The following RNF13 variants were observed in gnomAD, a reference collection of about 807,000 sequenced individuals.
RNF13 encodes the protein ring finger protein 13.
Under a neutral mutation model 37.7 loss-of-function variants are expected in RNF13, and 19 were observed. That is an observed-to-expected ratio of 0.50 (90% confidence interval 0.35 to 0.74). The LOEUF is 0.74. RNF13 is among the 30% of genes least tolerant of loss of function. The probability of loss-of-function intolerance (pLI) is 0.01; values close to 1 mark genes in which losing one functional copy is unlikely to be tolerated. For synonymous variants in RNF13, 144 were observed against 157.8 expected, an observed-to-expected ratio of 0.91 and a Z score of 0.65; for missense variants, 375 against 453.0, an observed-to-expected ratio of 0.83 and a Z score of 1.56.
intron 4 of RNF13, among the ~76,000 whole-genome samples, chr3:149,875,444 TA>T (rs1712572570): frequency 6.6e-6 from 1 of 152,168 alleles, no homozygotes; most frequent in African/African-American, 2.4e-5. Context: ...CTTACTTCTT[TA>T]AAAGGAAATG....
chr3:149,816,441 A>C (rs976977819), intron 1 of RNF13, among the ~76,000 whole-genome samples: 3 of 151,362 alleles, frequency 2.0e-5, no homozygotes, highest in Middle Eastern at 3.2e-3. Context: ...CTCCTTCCTT[A>C]CTTGTTTTTG....
intron 8 of RNF13, among the ~76,000 whole-genome samples, chr3:149,928,004 C>CTTTTTTTT (rs766839142): frequency 9.0e-6 from 1 of 111,200 alleles, no homozygotes; most frequent in Non-Finnish European, 1.9e-5. Flanking sequence ...AAGCAAAAAC[C>CTTTTTTTT]TTTTTTTTTT....
chr3:149,933,927 A>G (rs1719430152), intron 8 of RNF13, among the ~76,000 whole-genome samples: 1 of 152,132 alleles, frequency 6.6e-6, no homozygotes, highest in Non-Finnish European at 1.5e-5. Context: ...TTTAAAATAT[A>G]CAATCATGTC....
chr3:149,958,920 C>T (rs1005147918), intron 8 of RNF13, among the ~76,000 whole-genome samples: 3 of 152,112 alleles, frequency 2.0e-5, no homozygotes, highest in African/African-American at 7.2e-5. Context: ...CTTTCTATTT[C>T]GGGCTTCTCC....
chr3:149,872,067 A>G lies in RNF13; in HGVS notation c.234A>G (p.Glu78=), dbSNP rs751474901. Residue 78 remains glutamate, a synonymous_variant, in exon 4 of 10, where the codon GAA becomes GAG. Transcript: ENST00000392894. The part of the protein sequence containing the change: ...LINSKPENAC[E]PIVPPPVKDN... ...ACTCAAAACCAGAGAATGCCTGTGA[A>G]CCCATAGTGCCTCCACCAGTAAAAG... 1 of 1,607,784 alleles carries G rather than the reference A, an allele frequency of 6.2e-7. No individual in the cohort carries two copies.
chr3:149,938,219 C>T (rs1719896565), intron 8 of RNF13, among the ~76,000 whole-genome samples: 1 of 151,424 alleles, frequency 6.6e-6, no homozygotes, highest in Non-Finnish European at 1.5e-5. Context: ...GCTCTGTTGC[C>T]CAGGCTGGAG....
At chr3:149,817,066 T>A (rs1719537261) in intron 1 of RNF13, among the ~76,000 whole-genome samples, 1 of 152,176 alleles carries the variant, frequency 6.6e-6, no homozygotes, top group Admixed American at 6.5e-5. Context: ...AGTTTACTTT[T>A]GGAGCTGAGG....
chr3:149,879,065 G>T (rs887307549), intron 4 of RNF13, among the ~76,000 whole-genome samples: 1 of 152,156 alleles, frequency 6.6e-6, no homozygotes, highest in Non-Finnish European at 1.5e-5. Flanking sequence ...GAAGTTTGAA[G>T]AGGCCAGGCT....
rs188733149 is a variant in RNF13, at chr3:149,923,256, T to G, written c.700+2029T>G. On this transcript the variant is annotated intron_variant, in intron 8 of 9. Transcript: ENST00000392894. ...ACAGTGTGGATTAGTTAATAGTTTTTTTTTGTTTTGTTTTTAAGAGATGGG... is the reference window on the plus strand; with the variant it reads ...ACAGTGTGGATTAGTTAATAGTTTTGTTTTGTTTTGTTTTTAAGAGATGGG... Among the ~76,000 whole-genome samples, 45 of 152,248 alleles carry G rather than the reference T, an allele frequency of 3.0e-4. No homozygotes were observed. The East Asian group carries it at 8.3e-3, about 28-fold the overall frequency.
chr3:149,877,358 A>G (rs1242208996), intron 4 of RNF13, among the ~76,000 whole-genome samples: 1 of 151,448 alleles, frequency 6.6e-6, no homozygotes, highest in Non-Finnish European at 1.5e-5. Flanking sequence ...CTAGATATTT[A>G]TTTATCCCAC....
In RNF13 at chr3:149,846,011, G is replaced by C; in HGVS notation, c.-16G>C. 6.4e-7 allele frequency: 1 copy of C among 1,555,672 alleles called. No homozygotes were observed. The highest frequency in any genetic ancestry group is 8.8e-7 in the Non-Finnish European group (1 of 1,130,538). ...AGTTACTCACATCCTTGTCTTCCAG[G>C]TGATTTTACAACGAGATGCTGCTCT... On this transcript the variant is annotated splice_region_variant and 5_prime_UTR_variant, in exon 2 of 10. Transcript: ENST00000392894.
Position 149,845,536 on chromosome 3 carries a change from A to G in RNF13, c.-16-475A>G, listed in dbSNP as rs541847273. On this transcript the variant is annotated intron_variant, in intron 1 of 9. Coordinates refer to ENST00000392894, the MANE Select transcript of RNF13 (RefSeq NM_183381.3). ...TATAAGTGGCTGTTAATTTTTTGGC[A>G]TTCTCTGATGTTGGTACAATATACA... is the stretch of plus-strand genomic sequence containing the variant. Among the ~76,000 whole-genome samples the G allele has an allele frequency of 1.5e-3, 230 of 152,326 alleles. 1 individual carries two copies. Among genetic ancestry groups the G allele is most frequent in the African/African-American group, 5.2e-3 (216 of 41,586 alleles).
intron 4 of RNF13, chr3:149,894,050 T>G (rs891622562): frequency 6.6e-6 from 1 of 152,212 alleles, no homozygotes; most frequent in South Asian, 2.1e-4. Context: ...TTGATTCAAG[T>G]AATATTTAAT....
intron 7 of RNF13, among the ~76,000 whole-genome samples, chr3:149,913,455 G>A (rs1019559378): frequency 6.6e-6 from 1 of 152,146 alleles, no homozygotes; most frequent in Admixed American, 6.5e-5. Context: ...ATTGCCAGGA[G>A]ACTTTTGTCA....
chr3:149,878,874 T>C (rs962245978), intron 4 of RNF13, among the ~76,000 whole-genome samples: 2 of 152,196 alleles, frequency 1.3e-5, no homozygotes, highest in African/African-American at 4.8e-5. Flanking sequence ...ACTGTTCCTT[T>C]GTGGCTATGC....
intron 8 of RNF13, among the ~76,000 whole-genome samples, chr3:149,952,302 G>C (rs1354856956): frequency 6.6e-6 from 1 of 151,914 alleles, no homozygotes; most frequent in Non-Finnish European, 1.5e-5. Context: ...AGTCACCTTT[G>C]CCACTCAGAG....
At chr3:149,944,217 T>C (rs888011578) in intron 8 of RNF13, among the ~76,000 whole-genome samples, 1 of 152,250 alleles carries the variant, frequency 6.6e-6, no homozygotes, top group Admixed American at 6.5e-5. Flanking sequence ...CAGTCTATCA[T>C]TGATGGACAT....
intron 1 of RNF13, among the ~76,000 whole-genome samples, chr3:149,836,217 A>G (rs147811772): frequency 2.6e-4 from 39 of 152,190 alleles, no homozygotes; most frequent in African/African-American, 8.4e-4. Flanking sequence ...TCATGTCCTT[A>G]GCCCACTTTT....
At chr3:149,913,580 AT>A (rs781507041) in intron 7 of RNF13, among the ~76,000 whole-genome samples, 21 of 152,154 alleles carry the variant, frequency 1.4e-4, no homozygotes, top group Non-Finnish European at 2.8e-4. Context: ...AGGATACCAC[AT>A]TGTATTTCAT....
Sources: gnomAD v4.1 joint callset for allele counts (sites outside exome capture counted in the v4.1 genomes callset) on GRCh38, gnomAD v4.1.1 for gene constraint, MANE v1.5 for transcripts, NCBI Gene and HGNC (gene_info 2026-07-23, HGNC 2026-07-21) for gene names.